Variants in TFEC observed in about 807,000 individuals in gnomAD.
The protein encoded by TFEC is class E basic helix-loop-helix protein 34.
Under a neutral mutation model 41.6 loss-of-function variants are expected in TFEC, and 31 were observed. The observed-to-expected ratio is 0.74, with a 90% CI of 0.56 to 1.01. The LOEUF (loss-of-function observed/expected upper bound fraction) is 1.01. Among genes scored for constraint, TFEC ranks in the 50% least tolerant of loss-of-function variants. The probability of loss-of-function intolerance (pLI) is 0.00; values close to 1 mark genes in which losing one functional copy is unlikely to be tolerated. For missense variants in TFEC, 402 were observed against 404.1 expected (o/e 0.99, Z 0.04); for synonymous variants, 143 against 140.6 (o/e 1.02, Z -0.12).
chr7:116,082,356 T>A (rs2131060867), intron 3 of TFEC, among the ~76,000 whole-genome samples: 1 of 152,100 alleles, frequency 6.6e-6, no homozygotes, highest in East Asian at 1.9e-4. Context: ...TAGATTAACT[T>A]GATAAACTAC....
At chr7:115,965,993 C>G (rs1393841150) in intron 3 of TFEC, among the ~76,000 whole-genome samples, 1 of 151,432 alleles carries the variant, frequency 6.6e-6, no homozygotes, top group Non-Finnish European at 1.5e-5. Context: ...AAATTATGTT[C>G]CCCGCCACTA....
At chr7:116,034,687 T>C (rs199584153), upstream of TFEC, among the ~76,000 whole-genome samples, 1 of 148,266 alleles carries the variant, frequency 6.7e-6, no homozygotes, top group African/African-American at 2.5e-5. Flanking sequence ...CAGGCATGCA[T>C]ACACACACAC....
chr7:116,045,343 C>A (rs2130934189), intron 3 of TFEC, among the ~76,000 whole-genome samples: 1 of 152,314 alleles, frequency 6.6e-6, no homozygotes, highest in South Asian at 2.1e-4. Context: ...GAACTTTGAA[C>A]TTGAGAGATA....
chr7:116,144,271 A>T lies in TFEC; in HGVS notation c.-69+15519T>A, dbSNP rs536103013. Among the ~76,000 whole-genome samples, 22 of 152,270 alleles carry T rather than the reference A, an allele frequency of 1.4e-4. 1 individual carries two copies. The South Asian group carries it at 4.6e-3, about 32-fold the overall frequency. ...AGCCTCAACACAATAACTCTAAGAA[A>T]TATCACTCATCTAGGTATTTGGATT... On this transcript the variant is annotated intron_variant, in intron 1 of 8. Coordinates refer to the TFEC transcript ENST00000484212.
chr7:116,030,756 T>G lies in TFEC; in HGVS notation c.-196A>C, dbSNP rs1209097930. The G allele has an allele frequency of 1.0e-6, 1 of 985,190 alleles. No individual in the cohort carries two copies. Among genetic ancestry groups the G allele is most frequent in the African/African-American group, 1.7e-5 (1 of 57,192 alleles). The allele number at this position is 985,190 out of a possible 1,614,324, so 61.0% of individuals were successfully genotyped here. ...CCAAAGTAAACGATCTAGCCGTGAG[T>G]AATGAATACTTTGGGCTGGTTGGAA... On this transcript the variant is annotated 5_prime_UTR_variant, in exon 1 of 8. Transcript: ENST00000265440.
intron 1 of TFEC, chr7:116,120,237 T>C (rs1016629129): frequency 6.6e-6 from 1 of 151,926 alleles, no homozygotes; most frequent in Non-Finnish European, 1.5e-5. Flanking sequence ...CTATTCCATA[T>C]AACTTTTTCT....
In TFEC at chr7:115,940,430, A is replaced by G; in HGVS notation, c.*121T>C. On this transcript the variant is annotated 3_prime_UTR_variant, in exon 8 of 8. Coordinates refer to ENST00000265440, the MANE Select transcript of TFEC (RefSeq NM_012252.4). ...CTTCTGTTGCTTCTATCAGTTTTTC[A>G]TGAACAACACATTCCTTTAAGAAAA... is the stretch of plus-strand genomic sequence containing the variant. The G allele has an allele frequency of 2.7e-6, 3 of 1,098,578 alleles. No homozygotes were observed. The allele number at this position is 1,098,578 out of a possible 1,614,324, so 68.1% of individuals were successfully genotyped here.
intron 2 of TFEC, among the ~76,000 whole-genome samples, chr7:115,983,452 T>C (rs1793717176): frequency 6.6e-6 from 1 of 152,118 alleles, no homozygotes; most frequent in African/African-American, 2.4e-5. Context: ...AAATCGGCAA[T>C]AAACACCAGG....
At chr7:116,036,100 G>A (rs1562945927) in intron 3 of TFEC, among the ~76,000 whole-genome samples, 1 of 151,908 alleles carries the variant, frequency 6.6e-6, no homozygotes, top group South Asian at 2.1e-4. Context: ...ATAGATAATT[G>A]TTATACTGTA....
Position 115,935,784 on chromosome 7 carries a change from T to C in TFEC, c.*4767A>G, listed in dbSNP as rs1001422952. On this transcript the variant is annotated 3_prime_UTR_variant, in exon 8 of 8. Coordinates refer to ENST00000265440, the MANE Select transcript of TFEC (RefSeq NM_012252.4). ...TTACAAACACAAAAGTCTTTACTGT[T>C]ATTCTTTATGCCTGTTGGATAATGT... 9 of 151,600 alleles carry C rather than the reference T, an allele frequency of 5.9e-5. No individual in the cohort carries two copies. The highest frequency in any genetic ancestry group is 2.2e-4 in the African/African-American group (9 of 41,402). 9.4% of individuals were successfully genotyped at this position (151,600 alleles called of 1,614,324 possible).
intron 3 of TFEC, among the ~76,000 whole-genome samples, chr7:116,052,158 A>T (rs1796327344): frequency 6.6e-6 from 1 of 151,764 alleles, no homozygotes. Context: ...ATTCAGCGTA[A>T]AACAAGGGGA....
chr7:116,051,708 A>C (rs1011206820), intron 3 of TFEC, among the ~76,000 whole-genome samples: 10 of 152,308 alleles, frequency 6.6e-5, no homozygotes, highest in African/African-American at 2.4e-4. Flanking sequence ...ATGGAGGAGG[A>C]GGAAAGAGTA....
intron 7 of TFEC, chr7:115,941,547 A>G (rs557286838): frequency 6.3e-5 from 17 of 270,008 alleles, no homozygotes; most frequent in African/African-American, 3.7e-4. Context: ...TGATTAGGAT[A>G]ATAATGTGTG....
At chr7:116,081,345 G>A (rs1051537527) in intron 3 of TFEC, among the ~76,000 whole-genome samples, 2 of 151,704 alleles carry the variant, frequency 1.3e-5, no homozygotes, top group Non-Finnish European at 2.9e-5. Flanking sequence ...TTCCCACAAA[G>A]AAATATTATG....
intron 1 of TFEC, among the ~76,000 whole-genome samples, chr7:116,001,000 CCAAAGCTATCCAGAG>C (rs890431972): frequency 6.6e-6 from 1 of 151,172 alleles, no homozygotes; most frequent in African/African-American, 2.4e-5. Context: ...CCCAGGATAT[CCAAAGCTATCCAGAG>C]CAAAAATAAC....
chr7:116,059,584 T>G (rs1329553572), intron 3 of TFEC, among the ~76,000 whole-genome samples: 2 of 151,920 alleles, frequency 1.3e-5, no homozygotes. Flanking sequence ...TGGAATAATT[T>G]TAAACAAATA....
chr7:116,075,066 G>T (rs1030925364), intron 3 of TFEC, among the ~76,000 whole-genome samples: 1 of 152,174 alleles, frequency 6.6e-6, no homozygotes, highest in South Asian at 2.1e-4. Flanking sequence ...ACTGCAAATA[G>T]ATATGATGGT....
Position 116,127,398 on chromosome 7 carries a change from T to C in TFEC, c.-68-15360A>G, listed in dbSNP as rs868613876. ...GCGCCCAGCCTGGGCTTTGGTTTTTTATCCGATGTAATAATTCGTGTCGTT... is the reference window on the plus strand; with the variant it reads ...GCGCCCAGCCTGGGCTTTGGTTTTTCATCCGATGTAATAATTCGTGTCGTT... On this transcript the variant is annotated intron_variant, in intron 1 of 8. Transcript: ENST00000484212. Among the ~76,000 whole-genome samples the C allele has an allele frequency of 2.0e-5, 3 of 152,306 alleles. 1 individual carries two copies. Among genetic ancestry groups the C allele is most frequent in the African/African-American group, 7.2e-5 (3 of 41,578 alleles).
rs377344490 is a variant in TFEC, at chr7:116,104,538, T to C, written c.198+6170A>G. On this transcript the variant is annotated intron_variant, in intron 3 of 8. Transcript: ENST00000484212. ...GCTCAAGTCCGAACCATGCATTCCTTACATTTATAACAAAAGGGAACTCTG... is the reference window on the plus strand; with the variant it reads ...GCTCAAGTCCGAACCATGCATTCCTCACATTTATAACAAAAGGGAACTCTG... Among the ~76,000 whole-genome samples, 11 of 152,300 alleles carry C rather than the reference T, an allele frequency of 7.2e-5. No homozygotes were observed. In the East Asian group the frequency reaches 1.5e-3, roughly 21 times the overall value.
Sources: gnomAD v4.1 joint callset for allele counts (sites outside exome capture counted in the v4.1 genomes callset) on GRCh38, gnomAD v4.1.1 for gene constraint, MANE v1.5 for transcripts, NCBI Gene and HGNC (gene_info 2026-07-23, HGNC 2026-07-21) for gene names.